The following NPLOC4 variants were observed in gnomAD, a reference collection of about 807,000 sequenced individuals.
NPLOC4 encodes nuclear protein localization protein 4 homolog.
NPLOC4 carries 18 observed loss-of-function variants against 80.6 expected under a neutral mutation model. The ratio of observed to expected loss-of-function variants is 0.22; its 90% CI spans 0.15 to 0.33. The LOEUF (loss-of-function observed/expected upper bound fraction) is 0.33, where lower values mean the gene tolerates loss of function less well. NPLOC4 is among the 10% of genes least tolerant of loss of function. NPLOC4 has a pLI of 1.00. For missense variants in NPLOC4, 540 were observed against 786.1 expected (o/e 0.69, Z 3.74); for synonymous variants, 313 against 301.5 (o/e 1.04, Z -0.39).
chr17:81,598,678 C>T (rs2034985688), intron 9 of NPLOC4, among the ~76,000 whole-genome samples: 1 of 152,130 alleles, frequency 6.6e-6, no homozygotes, highest in Non-Finnish European at 1.5e-5. Context: ...TTAGGCCCGC[C>T]TCTGCCTGTG....
At chr17:81,614,493 C>A (rs7209180) in intron 3 of NPLOC4, 82,581 of 151,652 alleles carry the variant, frequency 0.54, 23,606 homozygotes, top group East Asian at 0.77. Context: ...CATCACCACC[C>A]CCCAAAAAGG....
intron 12 of NPLOC4, among the ~76,000 whole-genome samples, chr17:81,579,006 G>A (rs1300857378): frequency 2.6e-5 from 4 of 152,280 alleles, no homozygotes; most frequent in Middle Eastern, 3.4e-3. Context: ...CTGCAGCCTC[G>A]AACTCCTGGG....
chr17:81,629,329 T>C (rs1302262063), intron 2 of NPLOC4, among the ~76,000 whole-genome samples: 2 of 151,624 alleles, frequency 1.3e-5, no homozygotes, highest in East Asian at 3.9e-4. Flanking sequence ...GTAGCTGGGA[T>C]TACAGGCACC....
chr17:81,568,166 G>A (rs1391057803), intron 14 of NPLOC4: 1 of 152,114 alleles, frequency 6.6e-6, no homozygotes, highest in African/African-American at 2.4e-5. Context: ...TGGAGAGTGG[G>A]CTGCGGGAGG....
intron 8 of NPLOC4, 111 bp from the exon 9 acceptor site, chr17:81,600,538 T>G (rs1432312455): frequency 1.3e-6 from 1 of 748,540 alleles, no homozygotes; most frequent in African/African-American, 1.7e-5. Context: ...GGGGCCTCCT[T>G]GTCAGAAAGG....
chr17:81,627,494 C>G (rs1013563435), intron 2 of NPLOC4, among the ~76,000 whole-genome samples: 2 of 152,180 alleles, frequency 1.3e-5, no homozygotes. Context: ...AACCCCAGCA[C>G]TTTGGGAGGC....
At chr17:81,597,353 A>C (rs757385847) in intron 9 of NPLOC4, 37 bp from the exon 10 acceptor site, 1 of 1,526,654 alleles carries the variant, frequency 6.6e-7, no homozygotes, top group Non-Finnish European at 9.1e-7. Flanking sequence ...ACATCTCCTC[A>C]AGATAGACGA....
chr17:81,606,602 G>T, intron 7 of NPLOC4, 89 bp downstream of exon 7: 1 of 1,413,446 alleles, frequency 7.1e-7, no homozygotes, highest in Non-Finnish European at 9.8e-7. Context: ...CACGCATAGT[G>T]CTAATAGCAT....
intron 12 of NPLOC4, among the ~76,000 whole-genome samples, chr17:81,583,881 A>G (rs1334196248): frequency 6.6e-6 from 1 of 152,210 alleles, no homozygotes; most frequent in Admixed American, 6.5e-5. Flanking sequence ...CTTCAAGAAA[A>G]TAACAAAAAA....
intron 1 of NPLOC4, among the ~76,000 whole-genome samples, chr17:81,635,268 G>A (rs1210828603): frequency 2.0e-5 from 3 of 151,484 alleles, no homozygotes; most frequent in Non-Finnish European, 4.4e-5. Flanking sequence ...GAACCCGAGA[G>A]GCGGAGGTTG....
At chr17:81,603,091 C>A (rs2035111320) in intron 8 of NPLOC4, among the ~76,000 whole-genome samples, 1 of 151,688 alleles carries the variant, frequency 6.6e-6, no homozygotes, top group African/African-American at 2.4e-5. Flanking sequence ...ATTGCTTGAG[C>A]CCAAGAGGGC....
chr17:81,565,133 G>A (rs1443113207), intron 16 of NPLOC4: 2 of 595,656 alleles, frequency 3.4e-6, no homozygotes, highest in East Asian at 5.5e-5. Flanking sequence ...GCACTAAAGG[G>A]AAATTCTCAA....
intron 16 of NPLOC4, 37 bp downstream of exon 16, chr17:81,565,468 G>T: frequency 6.7e-7 from 1 of 1,503,630 alleles, no homozygotes; most frequent in Non-Finnish European, 9.0e-7. Context: ...TCCGGCCCCA[G>T]CCACGGGGTG....
chr17:81,594,503 G>A (rs2034843302), intron 11 of NPLOC4, among the ~76,000 whole-genome samples: 1 of 151,926 alleles, frequency 6.6e-6, no homozygotes, highest in Non-Finnish European at 1.5e-5. Flanking sequence ...TAGGCCAGGC[G>A]CAGTGGCTCA....
At position 81,584,413 on chromosome 17, in the gene NPLOC4, C is replaced by T. The variant is rs139966500; in HGVS notation, c.1281+4531G>A. On this transcript the variant is annotated intron_variant, in intron 12 of 16. Transcript: ENST00000331134. ...CCTAAGTGCAAGAAACTTACAATAA[C>T]GCATGGAAATAAAAAAGCCAATTTC... is the stretch of plus-strand genomic sequence containing the variant. 2.0e-3 allele frequency among the ~76,000 whole-genome samples: 309 copies of T among 152,242 alleles called. 1 individual carries two copies. The highest frequency in any genetic ancestry group is 6.8e-3 in the African/African-American group (282 of 41,536).
intron 3 of NPLOC4, among the ~76,000 whole-genome samples, chr17:81,615,492 A>C (rs1015597010): frequency 6.6e-6 from 1 of 152,226 alleles, no homozygotes; most frequent in Non-Finnish European, 1.5e-5. Flanking sequence ...ATCAATTTTA[A>C]CAAATATACT....
intron 1 of NPLOC4, 142 bp downstream of exon 1, chr17:81,636,774 G>T: frequency 1.1e-6 from 1 of 908,210 alleles, no homozygotes; most frequent in Non-Finnish European, 1.4e-6. Flanking sequence ...GAGGGGCCCA[G>T]CCACTACAGA....
At chr17:81,585,981 G>C (rs1033342116) in intron 12 of NPLOC4, among the ~76,000 whole-genome samples, 1 of 151,964 alleles carries the variant, frequency 6.6e-6, no homozygotes, top group African/African-American at 2.4e-5. Flanking sequence ...AGAGCGAGAT[G>C]CTGTTTCAAA....
intron 11 of NPLOC4, among the ~76,000 whole-genome samples, 155 bp from the exon 12 acceptor site, chr17:81,589,259 G>A (rs1418268500): frequency 4.6e-5 from 7 of 152,278 alleles, no homozygotes; most frequent in Non-Finnish European, 5.9e-5. Flanking sequence ...GGCCGGGTGC[G>A]GTGGCTCATG....
Sources: gnomAD v4.1 joint callset for allele counts (sites outside exome capture counted in the v4.1 genomes callset) on GRCh38, gnomAD v4.1.1 for gene constraint, MANE v1.5 for transcripts, NCBI Gene and HGNC (gene_info 2026-07-23, HGNC 2026-07-21) for gene names.